CCDC3: variants seen among roughly 807,000 people sequenced by gnomAD.
CCDC3 encodes coiled-coil domain containing 3, also known as coiled-coil domain-containing protein 3.
In CCDC3, 24 loss-of-function variants were observed where a neutral mutation model predicts 21.4. The ratio of observed to expected loss-of-function variants is 1.12; its 90% CI spans 0.81 to 1.58. The LOEUF (loss-of-function observed/expected upper bound fraction) is 1.58, where lower values mean the gene tolerates loss of function less well. Among genes scored for constraint, CCDC3 ranks in the 40% most tolerant of loss-of-function variants. The pLI, the probability that CCDC3 is intolerant of heterozygous loss-of-function variation, is 0.00. For synonymous variants in CCDC3, 186 were observed against 166.0 expected (o/e 1.12, Z -0.93); for missense variants, 425 against 360.9 (o/e 1.18, Z -1.44).
chr10:13,060,258 G>C (rs150318958), intron 4 of CCDC3, among the ~76,000 whole-genome samples: 1 of 152,146 alleles, frequency 6.6e-6, no homozygotes, highest in African/African-American at 2.4e-5. Context: ...CTTGCTGTGC[G>C]TGTCTGGGAA....
At chr10:13,024,308 G>C (rs938395515) in intron 5 of CCDC3, among the ~76,000 whole-genome samples, 1 of 151,904 alleles carries the variant, frequency 6.6e-6, no homozygotes, top group Non-Finnish European at 1.5e-5. Flanking sequence ...CTCCATTAGA[G>C]AAAAGTGCAC....
intron 3 of CCDC3, among the ~76,000 whole-genome samples, chr10:13,077,104 G>C (rs574700491): frequency 2.0e-5 from 3 of 152,298 alleles, no homozygotes; most frequent in Admixed American, 1.3e-4. Context: ...TGTATATTTA[G>C]AAAACCCCAT....
chr10:12,986,337 T>C (rs1835590012), intron 2 of CCDC3, among the ~76,000 whole-genome samples: 1 of 152,172 alleles, frequency 6.6e-6, no homozygotes, highest in Non-Finnish European at 1.5e-5. Context: ...TGTCATTGCC[T>C]GGTTTTGATA....
At chr10:12,951,788 G>C (rs576508451) in intron 2 of CCDC3, among the ~76,000 whole-genome samples, 3 of 104,478 alleles carry the variant, frequency 2.9e-5, no homozygotes, top group Non-Finnish European at 5.1e-5. Flanking sequence ...CTGGACAACA[G>C]AGTGAGACTT....
chr10:12,949,202 CTG>C (rs1028482569), intron 2 of CCDC3, among the ~76,000 whole-genome samples: 46 of 152,282 alleles, frequency 3.0e-4, no homozygotes, highest in African/African-American at 1.0e-3. Flanking sequence ...TAAGAGAACT[CTG>C]TAACTGGGCA....
At chr10:13,017,840 A>T (rs926011811) in intron 5 of CCDC3, among the ~76,000 whole-genome samples, 2 of 152,116 alleles carry the variant, frequency 1.3e-5, no homozygotes, top group African/African-American at 4.8e-5. Flanking sequence ...AGGAAGGAAG[A>T]AAAATCTAGC....
intron 1 of CCDC3, 71 bp from the exon 2 acceptor site, chr10:12,998,583 C>T: frequency 1.4e-6 from 2 of 1,432,682 alleles, no homozygotes; most frequent in Non-Finnish European, 1.9e-6. Context: ...TCCAGAGTCA[C>T]AGACAACTGC....
chr10:12,937,732 G>A (rs1757054), intron 2 of CCDC3, among the ~76,000 whole-genome samples: 1 of 152,128 alleles, frequency 6.6e-6, no homozygotes, highest in Non-Finnish European at 1.5e-5. Flanking sequence ...TTCATAGCTT[G>A]CAGGCATGGC....
chr10:12,958,302 A>G (rs1180918498), intron 2 of CCDC3, among the ~76,000 whole-genome samples: 3 of 152,126 alleles, frequency 2.0e-5, no homozygotes, highest in Admixed American at 6.5e-5. Context: ...TGAGGTGGCA[A>G]TTTCTAGAAC....
At position 13,084,709 on chromosome 10, in the gene CCDC3, T is replaced by C. The variant is rs74227251; in HGVS notation, c.-502-10609A>G. ...AGATCGGGACTCCTTTCCAGTAACA[T>C]TGTGAGATCCTGATTTTGAGATGCC... On this transcript the variant is annotated intron_variant, in intron 3 of 6. Transcript: ENST00000378839. Among the ~76,000 whole-genome samples, 919 of 152,244 alleles carry C rather than the reference T, an allele frequency of 6.0e-3. 39 individuals carry two copies. In the South Asian group the frequency reaches 0.1, roughly 17 times the overall value.
chr10:13,006,678 C>T (rs1309568810), upstream of CCDC3, among the ~76,000 whole-genome samples: 5 of 152,112 alleles, frequency 3.3e-5, no homozygotes, highest in Non-Finnish European at 4.4e-5. Flanking sequence ...AACTTTGGTC[C>T]CTTTGGAGAA....
chr10:12,936,973 G>T (rs12266806), intron 2 of CCDC3, among the ~76,000 whole-genome samples: 14,828 of 152,152 alleles, frequency 0.097, 743 homozygotes, highest in African/African-American at 0.13. Flanking sequence ...TGTCAAAATG[G>T]TTCCGTTTCC....
chr10:13,069,129 C>A (rs1836854495), intron 4 of CCDC3, among the ~76,000 whole-genome samples: 1 of 152,182 alleles, frequency 6.6e-6, no homozygotes, highest in South Asian at 2.1e-4. Flanking sequence ...GTGGCACATG[C>A]CTGTAATCCC....
chr10:12,957,201 G>T (rs1025971503), intron 2 of CCDC3, among the ~76,000 whole-genome samples: 5 of 152,166 alleles, frequency 3.3e-5, no homozygotes, highest in African/African-American at 1.2e-4. Flanking sequence ...GCCACTTTGT[G>T]TAACTTTGTC....
intron 2 of CCDC3, among the ~76,000 whole-genome samples, chr10:12,937,042 G>A (rs768526316): frequency 2.0e-5 from 3 of 152,116 alleles, no homozygotes; most frequent in African/African-American, 4.8e-5. Context: ...ACCTGGTAGA[G>A]CTTCTAGAGG....
At position 12,897,466 on chromosome 10, in the gene CCDC3, G is replaced by C. The variant is rs1834018404; in HGVS notation, c.*950C>G. The stretch of plus-strand genomic sequence containing the variant: ...AAAGAAGAAGAGATTGGAATGGCTG[G>C]AATGAGCCCTTTGGGAGCCTGGCTG... On this transcript the variant is annotated 3_prime_UTR_variant, in exon 3 of 3. Transcript: ENST00000378825. The C allele has an allele frequency of 6.6e-6, 1 of 152,264 alleles. No homozygotes were observed. The highest frequency in any genetic ancestry group is 1.5e-5 in the Non-Finnish European group (1 of 68,088). 9.4% of individuals were successfully genotyped at this position (152,264 alleles called of 1,614,324 possible).
intron 4 of CCDC3, among the ~76,000 whole-genome samples, chr10:13,060,101 C>T (rs1836736382): frequency 6.6e-6 from 1 of 152,070 alleles, no homozygotes; most frequent in Admixed American, 6.6e-5. Flanking sequence ...AAACAAAAAA[C>T]ATTGTTTTTC....
At chr10:12,954,258 G>A (rs1275426992) in intron 2 of CCDC3, among the ~76,000 whole-genome samples, 2 of 152,118 alleles carry the variant, frequency 1.3e-5, no homozygotes, top group Non-Finnish European at 2.9e-5. Context: ...TACCCAGAAT[G>A]CCCATTATCT....
At chr10:13,030,253 T>C (rs1836282575) in intron 5 of CCDC3, among the ~76,000 whole-genome samples, 1 of 152,036 alleles carries the variant, frequency 6.6e-6, no homozygotes, top group South Asian at 2.1e-4. Flanking sequence ...GCTTCATAAG[T>C]GAAGGAGAAA....
Sources: gnomAD v4.1 joint callset for allele counts (sites outside exome capture counted in the v4.1 genomes callset) on GRCh38, gnomAD v4.1.1 for gene constraint, MANE v1.5 for transcripts, NCBI Gene and HGNC (gene_info 2026-07-23, HGNC 2026-07-21) for gene names.